Variants in SLC13A3 observed in about 807,000 individuals in gnomAD.
SLC13A3 encodes solute carrier family 13 member 3, also known as Na(+)/dicarboxylate cotransporter 3.
A neutral mutation model predicts 59.0 loss-of-function variants in SLC13A3; 40 were observed. The ratio of observed to expected loss-of-function variants is 0.68; its 90% confidence interval spans 0.53 to 0.88. SLC13A3 has a LOEUF of 0.88. SLC13A3 is among the 40% of genes least tolerant of loss of function. The pLI is 0.00. For synonymous variants in SLC13A3, 317 were observed against 330.3 expected (o/e 0.96, Z 0.44); for missense variants, 699 against 783.2 (o/e 0.89, Z 1.28).
chr20:46,613,776 G>A (rs1410191339), intron 1 of SLC13A3, 51 bp from the exon 2 acceptor site: 2 of 1,519,394 alleles, frequency 1.3e-6, no homozygotes, highest in Non-Finnish European at 8.9e-7. Context: ...GGGGCAGAAG[G>A]GGAAGGAGGC....
At chr20:46,579,557 G>A (rs1312272810) in intron 9 of SLC13A3, among the ~76,000 whole-genome samples, 1 of 152,250 alleles carries the variant, frequency 6.6e-6, no homozygotes, top group Non-Finnish European at 1.5e-5. Context: ...AGCCAAGTCT[G>A]CACAGGGTCA....
At chr20:46,619,398 T>A (rs1279625828) in intron 1 of SLC13A3, among the ~76,000 whole-genome samples, 1 of 152,252 alleles carries the variant, frequency 6.6e-6, no homozygotes, top group African/African-American at 2.4e-5. Context: ...CCATCTGCAC[T>A]GCCCTTGACT....
intron 1 of SLC13A3, among the ~76,000 whole-genome samples, chr20:46,657,593 T>C (rs1324613436): frequency 2.0e-5 from 3 of 152,138 alleles, no homozygotes; most frequent in Non-Finnish European, 4.4e-5. Context: ...TCATCCTCCA[T>C]TAATATCTGA....
chr20:46,623,640 G>A (rs1568942343), intron 1 of SLC13A3, among the ~76,000 whole-genome samples: 2 of 152,218 alleles, frequency 1.3e-5, no homozygotes, highest in South Asian at 4.1e-4. Flanking sequence ...TCCCAGGGTA[G>A]TGTTGCAGCT....
At chr20:46,682,883 G>T (rs771230505) in intron 1 of SLC13A3, among the ~76,000 whole-genome samples, 3 of 152,154 alleles carry the variant, frequency 2.0e-5, no homozygotes, top group Non-Finnish European at 4.4e-5. Flanking sequence ...CCCGGTGGAC[G>T]TCAAGGGATC....
At chr20:46,603,306 T>C (rs1196925488) in intron 3 of SLC13A3, among the ~76,000 whole-genome samples, 3 of 152,164 alleles carry the variant, frequency 2.0e-5, no homozygotes, top group Non-Finnish European at 4.4e-5. Context: ...ATCTCTGCCA[T>C]AGGGGCAGAA....
intron 4 of SLC13A3, among the ~76,000 whole-genome samples, chr20:46,598,290 T>A (rs2062335614): frequency 6.6e-6 from 1 of 152,190 alleles, no homozygotes; most frequent in Admixed American, 6.5e-5. Context: ...GAAACTACCG[T>A]CATGGTCTGA....
At chr20:46,672,919 C>T (rs8119172), upstream of SLC13A3, among the ~76,000 whole-genome samples, 1,974 of 152,164 alleles carry the variant, frequency 0.013, 55 homozygotes, top group African/African-American at 0.044. Flanking sequence ...GTGCATTCCT[C>T]GATGCCACGG....
At chr20:46,679,481 G>A (rs1197838058) in intron 1 of SLC13A3, among the ~76,000 whole-genome samples, 1 of 152,206 alleles carries the variant, frequency 6.6e-6, no homozygotes, top group Non-Finnish European at 1.5e-5. Context: ...GGGCGTGGTG[G>A]CGGGCGCCTG....
intron 3 of SLC13A3, among the ~76,000 whole-genome samples, chr20:46,604,595 G>A (rs2062417704): frequency 1.3e-5 from 2 of 152,154 alleles, no homozygotes; most frequent in Admixed American, 6.5e-5. Flanking sequence ...CCGCTCTCGT[G>A]GTACACCGTT....
intron 10 of SLC13A3, 105 bp from the exon 11 acceptor site, chr20:46,566,495 G>GGGGT: frequency 2.3e-6 from 3 of 1,328,716 alleles, no homozygotes; most frequent in African/African-American, 1.5e-5. Context: ...CCCCTTCCCA[G>GGGGT]ATGGGGAGAC....
intron 1 of SLC13A3, among the ~76,000 whole-genome samples, chr20:46,622,981 C>T (rs547898337): frequency 1.4e-4 from 22 of 152,256 alleles, no homozygotes; most frequent in Admixed American, 1.1e-3. Flanking sequence ...AACCTCCCCA[C>T]GAAAAAGCTC....
intron 4 of SLC13A3, among the ~76,000 whole-genome samples, chr20:46,599,266 T>G (rs1432126743): frequency 6.6e-6 from 1 of 152,248 alleles, no homozygotes; most frequent in Admixed American, 6.5e-5. Context: ...ATGAATGAAA[T>G]AGACCGGATC....
chr20:46,641,229 G>A (rs116647658), intron 1 of SLC13A3, among the ~76,000 whole-genome samples: 179 of 152,276 alleles, frequency 1.2e-3, no homozygotes, highest in African/African-American at 4.0e-3. Flanking sequence ...TTTAGACCCC[G>A]TACAGGTTCT....
At chr20:46,579,057 A>C (rs2062108649) in intron 9 of SLC13A3, among the ~76,000 whole-genome samples, 1 of 152,100 alleles carries the variant, frequency 6.6e-6, no homozygotes, top group Non-Finnish European at 1.5e-5. Flanking sequence ...ATAAGAAGAA[A>C]ATCAAGGCTG....
chr20:46,683,406 G>A (rs920080752), intron 1 of SLC13A3, among the ~76,000 whole-genome samples: 4 of 152,130 alleles, frequency 2.6e-5, no homozygotes, highest in Non-Finnish European at 5.9e-5. Context: ...CTTTTACCAC[G>A]TGTACAGTAA....
At chr20:46,635,006 C>T (rs1221975097) in intron 1 of SLC13A3, among the ~76,000 whole-genome samples, 2 of 152,092 alleles carry the variant, frequency 1.3e-5, no homozygotes, top group East Asian at 1.9e-4. Context: ...AAACCCTGCC[C>T]GAAGGCACTG....
chr20:46,566,369 T>A lies in SLC13A3; in HGVS notation c.1354A>T (p.Ile452Phe). 2 of 1,612,902 alleles carry A rather than the reference T, an allele frequency of 1.2e-6. No homozygotes were observed. Among genetic ancestry groups the A allele is most frequent in the Non-Finnish European group, 1.7e-6 (2 of 1,179,220 alleles). The change falls in exon 11 of 13, where the codon ATT (isoleucine) becomes TTT (phenylalanine). Residue 452 changes from isoleucine (I) to phenylalanine (F), a missense_variant. Transcript: ENST00000279027. The stretch of plus-strand genomic sequence containing the variant: ...TCCAGGGGGTGCAGCTGCCCACCAA[T>A]CCATACAGACAGCCCCGATTCCTGC... ...GCEESGLSVWIGGQLHPLENV... is the reference protein window; with the variant it reads ...GCEESGLSVWFGGQLHPLENV...
intron 4 of SLC13A3, among the ~76,000 whole-genome samples, chr20:46,599,184 T>C (rs2062347201): frequency 6.6e-6 from 1 of 152,272 alleles, no homozygotes; most frequent in Non-Finnish European, 1.5e-5. Context: ...GGGCTTTCTG[T>C]CTTTTCCTTG....
Sources: gnomAD v4.1 joint callset for allele counts (sites outside exome capture counted in the v4.1 genomes callset) on GRCh38, gnomAD v4.1.1 for gene constraint, MANE v1.5 for transcripts, NCBI Gene and HGNC (gene_info 2026-07-23, HGNC 2026-07-21) for gene names.